Variants in PRKN observed in about 807,000 individuals in gnomAD.
PRKN encodes parkin RBR E3 ubiquitin protein ligase.
Under a neutral mutation model 59.5 loss-of-function variants are expected in PRKN, and 56 were observed. The observed-to-expected ratio is 0.94, with a 90% CI of 0.76 to 1.18. The LOEUF is 1.18. Ranked by LOEUF, PRKN falls within the 50% of genes most tolerant of loss-of-function variation. The pLI, the probability that PRKN is intolerant of heterozygous loss-of-function variation, is 0.00. For synonymous variants in PRKN, 250 were observed against 222.1 expected, an observed-to-expected ratio of 1.13 and a Z score of -1.12; for missense variants, 657 against 596.4, an observed-to-expected ratio of 1.10 and a Z score of -1.06.
chr6:162,190,147 C>T (rs1166656974), intron 4 of PRKN, among the ~76,000 whole-genome samples: 1 of 152,132 alleles, frequency 6.6e-6, no homozygotes, highest in African/African-American at 2.4e-5. Context: ...CCAGTGCATG[C>T]CATAGACTCT....
intron 1 of PRKN, among the ~76,000 whole-genome samples, chr6:162,574,425 C>T (rs2128209598): frequency 6.6e-6 from 1 of 152,288 alleles, no homozygotes; most frequent in South Asian, 2.1e-4. Context: ...GTTACATTTA[C>T]ATCATGATAT....
chr6:162,235,977 G>A (rs1583243102), intron 3 of PRKN, among the ~76,000 whole-genome samples: 1 of 111,552 alleles, frequency 9.0e-6, no homozygotes, highest in Admixed American at 8.9e-5. Flanking sequence ...AAGAAAGAAA[G>A]AAAGAAAGAA....
At chr6:162,377,550 A>T (rs1786183836) in intron 2 of PRKN, among the ~76,000 whole-genome samples, 1 of 152,186 alleles carries the variant, frequency 6.6e-6, no homozygotes, top group East Asian at 1.9e-4. Flanking sequence ...GAGGGGATCT[A>T]TTCAGTTCGA....
chr6:161,556,414 T>C (rs940147469), intron 8 of PRKN, among the ~76,000 whole-genome samples: 4 of 152,204 alleles, frequency 2.6e-5, no homozygotes, highest in African/African-American at 9.6e-5. Context: ...CTAGTATTTG[T>C]AGAAAGCTTA....
intron 9 of PRKN, among the ~76,000 whole-genome samples, chr6:161,435,721 T>C (rs963202578): frequency 6.6e-6 from 1 of 151,118 alleles, no homozygotes; most frequent in Admixed American, 6.6e-5. Context: ...ATATTTAAAT[T>C]ATTCCAAAAT....
chr6:162,612,919 C>A (rs1782256012), intron 1 of PRKN, among the ~76,000 whole-genome samples: 1 of 152,114 alleles, frequency 6.6e-6, no homozygotes, highest in Non-Finnish European at 1.5e-5. Context: ...TAGTCTCTTC[C>A]CACCAACCTA....
At position 161,578,459 on chromosome 6, in the gene PRKN, A is replaced by T. The variant is rs960729818; in HGVS notation, c.872-9043T>A. On this transcript the variant is annotated intron_variant, in intron 7 of 11. Transcript: ENST00000366898. The surrounding 1 kb of genome is among the most constrained non-coding windows in gnomAD (Gnocchi z 4.2). ...AATCAGACGGTTCACCTGGGCAATA[A>T]TAGCTCTTGTATAAGACAACAGTTT... Among the ~76,000 whole-genome samples, 2 of 152,208 alleles carry T rather than the reference A, an allele frequency of 1.3e-5. No individual in the cohort carries two copies. Among genetic ancestry groups the T allele is most frequent in the East Asian group, 3.8e-4 (2 of 5,198 alleles).
At chr6:162,392,705 C>T (rs902721118) in intron 2 of PRKN, among the ~76,000 whole-genome samples, 1 of 152,120 alleles carries the variant, frequency 6.6e-6, no homozygotes, top group Non-Finnish European at 1.5e-5. Context: ...TGGCCTAATA[C>T]CTAATGTTAC....
At chr6:161,580,424 C>T (rs1032931690) in intron 7 of PRKN, among the ~76,000 whole-genome samples, 1 of 152,084 alleles carries the variant, frequency 6.6e-6, no homozygotes, top group Non-Finnish European at 1.5e-5. Context: ...TTAAATCCAG[C>T]CCTTCATCCT....
intron 5 of PRKN, among the ~76,000 whole-genome samples, chr6:162,044,486 G>A (rs1021685950): frequency 2.6e-5 from 4 of 152,126 alleles, no homozygotes; most frequent in African/African-American, 9.7e-5. Context: ...ATTTCCCAGC[G>A]TAGATTCCAG....
At chr6:162,118,623 T>C (rs539736698) in intron 4 of PRKN, among the ~76,000 whole-genome samples, 2 of 152,176 alleles carry the variant, frequency 1.3e-5, no homozygotes, top group Admixed American at 6.5e-5. Flanking sequence ...TGCCCAATGA[T>C]GAGTTAATAA....
chr6:161,598,758 AAC>A (rs1367480498), intron 7 of PRKN, among the ~76,000 whole-genome samples: 5 of 152,222 alleles, frequency 3.3e-5, no homozygotes, highest in Middle Eastern at 3.2e-3. Flanking sequence ...CTCTTCTTGT[AAC>A]ATACTTCTTC....
rs532128852 is a variant in PRKN, at chr6:161,714,348, G to C, written c.871+71424C>G. On this transcript the variant is annotated intron_variant, in intron 7 of 11. Coordinates refer to ENST00000366898, the MANE Select transcript of PRKN (RefSeq NM_004562.3). ...CTTCTTTAAGATGTGATTAGGCCACGAGGGCTCCTCCCCCATGAATGGGAT... is the reference window on the plus strand; with the variant it reads ...CTTCTTTAAGATGTGATTAGGCCACCAGGGCTCCTCCCCCATGAATGGGAT... 6.6e-5 allele frequency among the ~76,000 whole-genome samples: 10 copies of C among 152,256 alleles called. No homozygotes were observed. In the East Asian group the frequency reaches 1.7e-3, roughly 26 times the overall value.
intron 7 of PRKN, among the ~76,000 whole-genome samples, chr6:161,710,578 T>G (rs1786696272): frequency 1.3e-5 from 2 of 152,130 alleles, no homozygotes; most frequent in South Asian, 4.1e-4. Flanking sequence ...CATTTAAACA[T>G]CATAAGAATG....
rs1261835885 is a variant in PRKN, at chr6:161,544,285, G to C, written c.1083+4569C>G. Among the ~76,000 whole-genome samples, 1 of 152,094 alleles carries C rather than the reference G, an allele frequency of 6.6e-6. No individual in the cohort carries two copies. The highest frequency in any genetic ancestry group is 1.5e-5 in the Non-Finnish European group (1 of 68,002). Reference sequence around the variant, plus strand: ...GACTTTTTGTGGATCCCTGAACATAGTGTTATTTTGGTTTTCTGAATTATA... The same window carrying C: ...GACTTTTTGTGGATCCCTGAACATACTGTTATTTTGGTTTTCTGAATTATA... On this transcript the variant is annotated intron_variant, in intron 9 of 11. Coordinates refer to ENST00000366898, the MANE Select transcript of PRKN (RefSeq NM_004562.3). This position sits in a 1 kb window ranked among gnomAD's most constrained non-coding sequence, Gnocchi z 5.5.
At chr6:161,844,060 T>G (rs1015445263) in intron 6 of PRKN, among the ~76,000 whole-genome samples, 2 of 152,096 alleles carry the variant, frequency 1.3e-5, no homozygotes, top group African/African-American at 4.8e-5. Flanking sequence ...AAATTTAGAA[T>G]AGTTAGCAGC....
At chr6:161,743,103 T>C (rs1266193500) in intron 7 of PRKN, among the ~76,000 whole-genome samples, 4 of 152,080 alleles carry the variant, frequency 2.6e-5, no homozygotes, top group Admixed American at 6.6e-5. Context: ...AATTTTTTTT[T>C]CCCCACAGAT....
At chr6:161,775,517 G>A (rs1428395700) in intron 7 of PRKN, among the ~76,000 whole-genome samples, 1 of 152,162 alleles carries the variant, frequency 6.6e-6, no homozygotes, top group African/African-American at 2.4e-5. Flanking sequence ...TAGGATTACA[G>A]GCTTAAGCCA....
In PRKN at chr6:162,082,580, C is replaced by G. The variant is rs546939107; in HGVS notation, c.535-28406G>C. On this transcript the variant is annotated intron_variant, in intron 4 of 11. Coordinates refer to ENST00000366898, the MANE Select transcript of PRKN (RefSeq NM_004562.3). ...CCTTCAAGGAATTTTCCTTTGCATTCTCCACTTAGCTAAATGTTTTCCACA... is the reference window on the plus strand; with the variant it reads ...CCTTCAAGGAATTTTCCTTTGCATTGTCCACTTAGCTAAATGTTTTCCACA... 5.8e-4 allele frequency among the ~76,000 whole-genome samples: 89 copies of G among 152,202 alleles called. 2 individuals are homozygous for G. Among genetic ancestry groups the G allele is most frequent in the Middle Eastern group, 3.4e-3 (1 of 294 alleles).
Sources: gnomAD v4.1 joint callset for allele counts (sites outside exome capture counted in the v4.1 genomes callset) on GRCh38, gnomAD v4.1.1 for gene constraint, Gnocchi (gnomAD v3.1) non-coding constraint, MANE v1.5 for transcripts, NCBI Gene and HGNC (gene_info 2026-07-23, HGNC 2026-07-21) for gene names.